Variants in CTNS observed in about 807,000 individuals in gnomAD.
CTNS encodes the protein cystinosin.
Under a neutral mutation model 43.7 loss-of-function variants are expected in CTNS, and 27 were observed. That is an observed-to-expected ratio of 0.62 (90% CI 0.46 to 0.85). The LOEUF (loss-of-function observed/expected upper bound fraction) is 0.85. CTNS is among the 40% of genes least tolerant of loss of function. CTNS has a pLI of 0.00. For synonymous variants in CTNS, 187 were observed against 190.6 expected (o/e 0.98, Z 0.16); for missense variants, 457 against 475.4 (o/e 0.96, Z 0.36).
Position 3,662,501 on chromosome 17 carries a change from G to A in CTNS, c.*2132G>A, listed in dbSNP as rs74485511. Among the ~76,000 whole-genome samples, 665 of 152,234 alleles carry A rather than the reference G, an allele frequency of 4.4e-3. 4 individuals carry two copies. The highest frequency in any genetic ancestry group is 0.014 in the Middle Eastern group (4 of 294). On this transcript the variant is annotated 3_prime_UTR_variant, in exon 12 of 12. Transcript: ENST00000046640. ...TGTCCCTCGCTGGGATACACGGAGT[G>A]CCCTTATAGGCAGGGAGTCTTATAG... is the stretch of plus-strand genomic sequence containing the variant.
chr17:3,650,594 G>A, intron 5 of CTNS: 1 of 295,602 alleles, frequency 3.4e-6, no homozygotes, highest in East Asian at 6.9e-5. Flanking sequence ...CCCCGCTGGT[G>A]AGCACCTTGT....
At chr17:3,639,128 AC>A (rs1299122398) in intron 2 of CTNS, among the ~76,000 whole-genome samples, 1 of 152,112 alleles carries the variant, frequency 6.6e-6, no homozygotes, top group Non-Finnish European at 1.5e-5. Context: ...CACAGACCTT[AC>A]CCAGAGCTCC....
rs752833776 is a variant in CTNS at position 3,656,809 on chromosome 17, T to TG, written c.681+16dup. The TG allele has an allele frequency of 1.2e-4, 190 of 1,612,702 alleles. 1 individual carries two copies. The highest frequency in any genetic ancestry group is 1.6e-4 in the Non-Finnish European group (186 of 1,179,894). On this transcript the variant is annotated intron_variant, in intron 9 of 11. Coordinates refer to ENST00000046640, the MANE Select transcript of CTNS (RefSeq NM_004937.3). ...TGCCTGTATGAGGTGAGACCAGCCC[T>TG]GGCCCCCCACAGGCCACCCCAGCCA...
chr17:3,639,180 A>G (rs751463643), intron 2 of CTNS, among the ~76,000 whole-genome samples: 1 of 152,140 alleles, frequency 6.6e-6, no homozygotes, highest in Non-Finnish European at 1.5e-5. Context: ...GTACTGAGGC[A>G]GCACGGAGAC....
At position 3,661,420 on chromosome 17, in the gene CTNS, G is replaced by C. The variant is rs1054574102; in HGVS notation, c.*1051G>C. 6.5e-6 allele frequency: 1 copy of C among 153,312 alleles called. No homozygotes were observed. The highest frequency in any genetic ancestry group is 2.4e-5 in the African/African-American group (1 of 41,406). 9.5% of individuals were successfully genotyped at this position (153,312 alleles called of 1,614,324 possible). A position where few individuals can be genotyped will look rare whatever the true frequency, so the allele number is the denominator to read the frequency against. On this transcript the variant is annotated 3_prime_UTR_variant, in exon 12 of 12. Transcript: ENST00000046640. ...AAGCTGTCCTTCCTATGGCAGGAGGGGTGGGGGTCCCAGGACGTGCCTCAT... is the reference window on the plus strand; with the variant it reads ...AAGCTGTCCTTCCTATGGCAGGAGGCGTGGGGGTCCCAGGACGTGCCTCAT...
Position 3,656,564 on chromosome 17 carries a change from T to C in CTNS, c.539T>C (p.Leu180Pro), listed in dbSNP as rs1409434770. ...GCCTACAGTGTATTCAACATCGGCC[T>C]CCTCTGGGTGCCCTACATCAAGGTA... ...FVAYSVFNIG[L>P]LWVPYIKEQF... The change falls in exon 8 of 12, where the codon CTC (leucine) becomes CCC (proline). Residue 180 changes from leucine to proline, a missense_variant. Coordinates refer to ENST00000046640, the MANE Select transcript of CTNS (RefSeq NM_004937.3). The C allele has an allele frequency of 6.2e-7, 1 of 1,610,728 alleles. No individual in the cohort carries two copies. The highest frequency in any genetic ancestry group is 8.5e-7 in the Non-Finnish European group (1 of 1,179,368).
intron 5 of CTNS, chr17:3,650,421 G>A: frequency 1.4e-6 from 2 of 1,456,556 alleles, no homozygotes; most frequent in Non-Finnish European, 1.8e-6. Flanking sequence ...ACTCAAGGCT[G>A]CAGTGAGCCA....
In CTNS at chr17:3,660,395, C is replaced by T. The variant is rs949171456; in HGVS notation, c.*26C>T. ...CACCCAGGGACCCAGTGTACCCAGC[C>T]TCTGGCCTCGTGCCCTGCTGGGGAA... is the stretch of plus-strand genomic sequence containing the variant. On this transcript the variant is annotated 3_prime_UTR_variant, in exon 12 of 12. Transcript: ENST00000046640. 3.1e-6 allele frequency: 5 copies of T among 1,614,048 alleles called. No homozygotes were observed. The African/African-American group carries it at 6.7e-5, about 22-fold the overall frequency.
intron 7 of CTNS, 127 bp from the exon 8 acceptor site, chr17:3,656,360 T>C (rs56243830): frequency 1.2e-4 from 1 of 8,146 alleles, no homozygotes; most frequent in Non-Finnish European, 1.8e-4. Flanking sequence ...GCCCTGCCCC[T>C]CCACCCCCGC....
intron 5 of CTNS, chr17:3,650,177 G>C: frequency 6.5e-7 from 1 of 1,550,334 alleles, no homozygotes; most frequent in East Asian, 2.4e-5. Flanking sequence ...AATAAAGCTG[G>C]TGGAAGCAGG....
Position 3,647,366 on chromosome 17 carries a change from A to G in CTNS, c.62-78A>G. 6.6e-6 allele frequency: 8 copies of G among 1,216,426 alleles called. No individual in the cohort carries two copies. In the South Asian group the frequency reaches 7.3e-5, roughly 11 times the overall value. The allele number at this position is 1,216,426 out of a possible 1,614,324, so 75.4% of individuals were successfully genotyped here. ...GTCAGAGCTCAGGAGTTCAGATGTCAGGGGTTTCGGCCCAGTTTTCTGTCA... is the reference window on the plus strand; with the variant it reads ...GTCAGAGCTCAGGAGTTCAGATGTCGGGGGTTTCGGCCCAGTTTTCTGTCA... On this transcript the variant is annotated intron_variant, in intron 3 of 11. Coordinates refer to ENST00000046640, the MANE Select transcript of CTNS (RefSeq NM_004937.3).
chr17:3,654,856 C>G (rs975729923), intron 5 of CTNS, 142 bp from the exon 6 acceptor site: 3 of 757,920 alleles, frequency 4.0e-6, no homozygotes, highest in Non-Finnish European at 7.2e-6. Flanking sequence ...CAGCGTCTCT[C>G]CTTTTGCTTA....
chr17:3,638,237 G>T (rs7350888), intron 2 of CTNS, among the ~76,000 whole-genome samples: 19,469 of 65,510 alleles, frequency 0.3, 1,674 homozygotes, highest in Non-Finnish European at 0.39. Context: ...TTTTTTTTTT[G>T]TTTTTTTTTT....
In CTNS at chr17:3,662,127, A is replaced by G. The variant is rs2076286361; in HGVS notation, c.*1758A>G. ...GGAGTTCGAGACCAGCCTAGCCAAC[A>G]TTGCAAAACCCCATCTCTACTAAAG... is the stretch of plus-strand genomic sequence containing the variant. On this transcript the variant is annotated 3_prime_UTR_variant, in exon 12 of 12. Coordinates refer to ENST00000046640, the MANE Select transcript of CTNS (RefSeq NM_004937.3). Among the ~76,000 whole-genome samples the G allele has an allele frequency of 6.6e-6, 1 of 152,134 alleles. No homozygotes were observed. Among genetic ancestry groups the G allele is most frequent in the Admixed American group, 6.5e-5 (1 of 15,276 alleles).
At chr17:3,643,375 T>C (rs1174098378) in intron 3 of CTNS, among the ~76,000 whole-genome samples, 1 of 152,054 alleles carries the variant, frequency 6.6e-6, no homozygotes, top group Non-Finnish European at 1.5e-5. Flanking sequence ...GAGCTCGGTG[T>C]ATAGCAGAGT....
At chr17:3,645,686 C>T (rs1346923732) in intron 3 of CTNS, among the ~76,000 whole-genome samples, 1 of 151,878 alleles carries the variant, frequency 6.6e-6, no homozygotes, top group East Asian at 1.9e-4. Context: ...ATGGTGAAAC[C>T]TCATCTCTAC....
chr17:3,656,827 C>G, intron 9 of CTNS, 32 bp downstream of exon 9: 1 of 1,612,202 alleles, frequency 6.2e-7, no homozygotes, highest in East Asian at 2.2e-5. Context: ...CACAGGCCAC[C>G]CCAGCCAACA....
rs1450639488 is a variant in CTNS at position 3,662,179 on chromosome 17, C to T, written c.*1810C>T. ...TACAAAAATTAGCTGGGCATGGTGGCGGGCACCTGTAATCCCAGCTACTTG... is the reference window on the plus strand; with the variant it reads ...TACAAAAATTAGCTGGGCATGGTGGTGGGCACCTGTAATCCCAGCTACTTG... On this transcript the variant is annotated 3_prime_UTR_variant, in exon 12 of 12. Transcript: ENST00000046640. Among the ~76,000 whole-genome samples, 6 of 152,038 alleles carry T rather than the reference C, an allele frequency of 3.9e-5. No individual in the cohort carries two copies. The highest frequency in any genetic ancestry group is 8.8e-5 in the Non-Finnish European group (6 of 68,002).
At chr17:3,650,383 G>A in intron 5 of CTNS, 1 of 1,532,674 alleles carries the variant, frequency 6.5e-7, no homozygotes, top group Middle Eastern at 2.3e-4. Flanking sequence ...TTGGGAGGCT[G>A]AGGCAGGAGA....
Sources: allele counts gnomAD v4.1 joint callset (sites outside exome capture counted in the v4.1 genomes callset), GRCh38; gene constraint gnomAD v4.1.1; transcripts MANE v1.5; gene names NCBI Gene and HGNC (gene_info 2026-07-23, HGNC 2026-07-21).